Variants in GRB10 observed in about 807,000 individuals in gnomAD.
The protein encoded by GRB10 is growth factor receptor-bound protein 10.
Under a neutral mutation model 80.9 loss-of-function variants are expected in GRB10, and 20 were observed. That is an observed-to-expected ratio of 0.25 (90% confidence interval 0.17 to 0.36). GRB10 has a LOEUF of 0.36. GRB10 is among the 10% of genes least tolerant of loss of function. GRB10 has a pLI of 1.00. For synonymous variants in GRB10, 291 were observed against 291.5 expected, an observed-to-expected ratio of 1.00 and a Z score of 0.02; for missense variants, 548 against 747.7, an observed-to-expected ratio of 0.73 and a Z score of 3.12.
chr7:50,660,299 G>C (rs1206781054), intron 7 of GRB10, among the ~76,000 whole-genome samples: 1 of 152,212 alleles, frequency 6.6e-6, no homozygotes, highest in Non-Finnish European at 1.5e-5. Flanking sequence ...AACCACAGAA[G>C]TGGGGGGTGC....
At chr7:50,741,435 G>A (rs1026602700) in intron 3 of GRB10, among the ~76,000 whole-genome samples, 1 of 151,972 alleles carries the variant, frequency 6.6e-6, no homozygotes, top group African/African-American at 2.4e-5. Flanking sequence ...CAGCCTGCAT[G>A]CAGCTGCAGA....
intron 9 of GRB10, among the ~76,000 whole-genome samples, chr7:50,618,805 A>G (rs1240386306): frequency 6.6e-6 from 1 of 152,194 alleles, no homozygotes; most frequent in Non-Finnish European, 1.5e-5. Context: ...CACAAAATAT[A>G]TTTGCTATTT....
At chr7:50,702,947 C>G (rs1023309873) in intron 5 of GRB10, among the ~76,000 whole-genome samples, 2 of 152,300 alleles carry the variant, frequency 1.3e-5, no homozygotes, top group Middle Eastern at 6.8e-3. Context: ...GAGCATACAA[C>G]GTAACACGTT....
At chr7:50,700,717 A>G (rs1322796888) in intron 5 of GRB10, among the ~76,000 whole-genome samples, 1 of 152,194 alleles carries the variant, frequency 6.6e-6, no homozygotes, top group Non-Finnish European at 1.5e-5. Context: ...TCTAACTCAT[A>G]AGTAAAATAA....
chr7:50,701,521 T>C (rs73118836), intron 5 of GRB10, among the ~76,000 whole-genome samples: 10,978 of 152,066 alleles, frequency 0.072, 627 homozygotes, highest in South Asian at 0.12. Context: ...AGTCTAGGAG[T>C]TCAAGGCTGC....
At chr7:50,692,696 T>C (rs970036972) in intron 5 of GRB10, among the ~76,000 whole-genome samples, 1 of 152,140 alleles carries the variant, frequency 6.6e-6, no homozygotes, top group African/African-American at 2.4e-5. Context: ...AACCTTGTGG[T>C]ATATACCAGG....
chr7:50,607,353 T>A (rs1010460740), intron 13 of GRB10, among the ~76,000 whole-genome samples: 2 of 152,158 alleles, frequency 1.3e-5, no homozygotes, highest in African/African-American at 2.4e-5. Flanking sequence ...TTAATATATA[T>A]AAAAAAATCT....
At chr7:50,718,415 A>T (rs560897233) in intron 4 of GRB10, among the ~76,000 whole-genome samples, 5 of 152,050 alleles carry the variant, frequency 3.3e-5, no homozygotes, top group Middle Eastern at 3.4e-3. Flanking sequence ...ACTGATCCTG[A>T]TTATTTTGCC....
chr7:50,740,368 A>G (rs2071491754), intron 3 of GRB10, among the ~76,000 whole-genome samples: 1 of 152,230 alleles, frequency 6.6e-6, no homozygotes, highest in Non-Finnish European at 1.5e-5. Context: ...TCCCTGCCAT[A>G]CCCAGAACAG....
chr7:50,660,223 G>C (rs1250856112), intron 7 of GRB10, among the ~76,000 whole-genome samples: 1 of 152,244 alleles, frequency 6.6e-6, no homozygotes, highest in African/African-American at 2.4e-5. Flanking sequence ...CACAGGGGAA[G>C]TGGCAGGGAG....
chr7:50,744,320 G>A (rs889392994), intron 3 of GRB10, among the ~76,000 whole-genome samples: 1 of 152,146 alleles, frequency 6.6e-6, no homozygotes, highest in Non-Finnish European at 1.5e-5. Context: ...AGAGATCAAA[G>A]CATCCTACCT....
At chr7:50,653,589 C>T (rs931596504) in intron 7 of GRB10, among the ~76,000 whole-genome samples, 1 of 152,310 alleles carries the variant, frequency 6.6e-6, no homozygotes, top group South Asian at 2.1e-4. Context: ...AAGCCACAAC[C>T]CTCCCCAGGC....
At chr7:50,741,551 T>TAAAAAA (rs752078809) in intron 3 of GRB10, among the ~76,000 whole-genome samples, 1 of 116,930 alleles carries the variant, frequency 8.6e-6, no homozygotes, top group Non-Finnish European at 1.8e-5. Context: ...AACATGTGTT[T>TAAAAAA]AAAAAAAAAA....
intron 5 of GRB10, among the ~76,000 whole-genome samples, chr7:50,702,233 G>C (rs967776740): frequency 6.6e-6 from 1 of 152,204 alleles, no homozygotes; most frequent in African/African-American, 2.4e-5. Flanking sequence ...CCCAGGCAAC[G>C]GCCCTTTTCC....
chr7:50,769,640 G>A (rs1239842349), intron 2 of GRB10, among the ~76,000 whole-genome samples: 1 of 152,174 alleles, frequency 6.6e-6, no homozygotes. Context: ...TTGTGCTTCA[G>A]GAGGTGGTGA....
At chr7:50,774,118 C>T (rs1163122171) in intron 2 of GRB10, among the ~76,000 whole-genome samples, 4 of 152,196 alleles carry the variant, frequency 2.6e-5, no homozygotes, top group Admixed American at 6.5e-5. Context: ...AAACCACAGA[C>T]GATTCTATTC....
At chr7:50,706,924 T>C (rs2529400) in intron 4 of GRB10, among the ~76,000 whole-genome samples, 138,340 of 152,314 alleles carry the variant, frequency 0.91, 62,955 homozygotes, top group African/African-American at 0.96. Context: ...AACCCTCTGT[T>C]ACTGAACACC....
At chr7:50,717,271 T>C (rs941150391) in intron 4 of GRB10, among the ~76,000 whole-genome samples, 3 of 152,234 alleles carry the variant, frequency 2.0e-5, no homozygotes, top group Admixed American at 1.3e-4. Context: ...GAGGTGAACC[T>C]ACTCTTACGT....
intron 17 of GRB10, among the ~76,000 whole-genome samples, chr7:50,601,076 G>A (rs2047514009): frequency 6.6e-6 from 1 of 152,264 alleles, no homozygotes; most frequent in Non-Finnish European, 1.5e-5. Flanking sequence ...ATCGCGATGC[G>A]CTGCTGTGGA....
Sources: allele counts gnomAD v4.1 joint callset (sites outside exome capture counted in the v4.1 genomes callset), GRCh38; gene constraint gnomAD v4.1.1; transcripts MANE v1.5; gene names NCBI Gene and HGNC (gene_info 2026-07-23, HGNC 2026-07-21).